The following PRKAG2 variants were observed in gnomAD, a reference collection of about 807,000 sequenced individuals.
The protein encoded by PRKAG2 is protein kinase AMP-activated non-catalytic subunit gamma 2.
Under a neutral mutation model 69.6 loss-of-function variants are expected in PRKAG2, and 26 were observed. That is an observed-to-expected ratio of 0.37 (90% CI 0.27 to 0.52). The LOEUF is 0.52. Ranked by LOEUF, PRKAG2 falls within the 20% of genes least tolerant of loss-of-function variation. PRKAG2 has a pLI of 0.90. For synonymous variants in PRKAG2, 293 were observed against 285.0 expected, an observed-to-expected ratio of 1.03 and a Z score of -0.28; for missense variants, 557 against 740.0, an observed-to-expected ratio of 0.75 and a Z score of 2.87.
intron 3 of PRKAG2, chr7:151,735,774 G>A (rs1287384365): frequency 7.7e-7 from 1 of 1,302,136 alleles, no homozygotes; most frequent in East Asian, 2.5e-5. Context: ...ACCACCGCCT[G>A]ATGTTATATC....
chr7:151,558,711 C>T (rs759671617), intron 15 of PRKAG2: 111 of 985,238 alleles, frequency 1.1e-4, no homozygotes, highest in Admixed American at 1.8e-4. Context: ...AACCCAGCTA[C>T]CCCCATCTTC....
At chr7:151,734,518 T>C (rs542646757) in intron 3 of PRKAG2, among the ~76,000 whole-genome samples, 3 of 152,266 alleles carry the variant, frequency 2.0e-5, no homozygotes, top group African/African-American at 4.8e-5. Flanking sequence ...GAATAACCTA[T>C]GCCATGCAAG....
chr7:151,701,042 C>T (rs780450928), intron 3 of PRKAG2, among the ~76,000 whole-genome samples: 1 of 152,230 alleles, frequency 6.6e-6, no homozygotes, highest in Non-Finnish European at 1.5e-5. Flanking sequence ...CAGCAGACGC[C>T]TGTCCTCTCC....
chr7:151,860,483 C>T (rs1468331356), intron 1 of PRKAG2, among the ~76,000 whole-genome samples: 3 of 152,086 alleles, frequency 2.0e-5, no homozygotes, highest in African/African-American at 2.4e-5. Flanking sequence ...CCCAAGGCCT[C>T]GCCTGTGGAA....
intron 3 of PRKAG2, among the ~76,000 whole-genome samples, chr7:151,680,700 G>T (rs1207784335): frequency 2.0e-5 from 3 of 152,178 alleles, no homozygotes; most frequent in African/African-American, 7.2e-5. Context: ...GAGCCAAGAG[G>T]CTGGCGAAGG....
chr7:151,658,361 C>T (rs3095358), intron 4 of PRKAG2, among the ~76,000 whole-genome samples: 91,850 of 149,340 alleles, frequency 0.62, 28,276 homozygotes, highest in African/African-American at 0.67. Flanking sequence ...GGCGCGTGCC[C>T]GTAATCCCAG....
intron 3 of PRKAG2, among the ~76,000 whole-genome samples, chr7:151,724,744 C>G (rs529852833): frequency 6.6e-6 from 1 of 152,320 alleles, no homozygotes; most frequent in South Asian, 2.1e-4. Flanking sequence ...ACAAGTGCGG[C>G]TCTCCGCGCC....
chr7:151,708,872 C>T (rs1356505438), intron 3 of PRKAG2, among the ~76,000 whole-genome samples: 1 of 152,204 alleles, frequency 6.6e-6, no homozygotes, highest in East Asian at 1.9e-4. Flanking sequence ...AGCACAGGTT[C>T]AGCTCGGGGC....
chr7:151,845,177 G>A (rs1252418178), intron 1 of PRKAG2, among the ~76,000 whole-genome samples: 12 of 151,904 alleles, frequency 7.9e-5, no homozygotes, highest in Non-Finnish European at 1.5e-5. Flanking sequence ...CGACAAAAAT[G>A]GCCCTCTTCA....
At chr7:151,742,673 A>G (rs919231371) in intron 3 of PRKAG2, among the ~76,000 whole-genome samples, 27 of 152,184 alleles carry the variant, frequency 1.8e-4, no homozygotes, top group Non-Finnish European at 3.5e-4. Flanking sequence ...TTTGCATTAA[A>G]GCCACCTCGC....
intron 3 of PRKAG2, among the ~76,000 whole-genome samples, chr7:151,721,948 C>G (rs1367368305): frequency 6.6e-6 from 1 of 152,152 alleles, no homozygotes; most frequent in East Asian, 1.9e-4. Flanking sequence ...TCAAGGCCAC[C>G]TCCTCCATGC....
chr7:151,740,656 T>C (rs913463547), intron 3 of PRKAG2, among the ~76,000 whole-genome samples: 2 of 152,164 alleles, frequency 1.3e-5, no homozygotes, highest in African/African-American at 2.4e-5. Context: ...GAGACAAAGA[T>C]AAACAATGCT....
At chr7:151,735,788 G>A in intron 3 of PRKAG2, 1 of 1,395,656 alleles carries the variant, frequency 7.2e-7, no homozygotes, top group Non-Finnish European at 9.7e-7. Flanking sequence ...TTATATCCCA[G>A]TTGGAAGAGA....
At chr7:151,651,962 G>T (rs147035740) in intron 4 of PRKAG2, among the ~76,000 whole-genome samples, 194 of 152,284 alleles carry the variant, frequency 1.3e-3, no homozygotes, top group African/African-American at 4.5e-3. Context: ...TTTCATGGGA[G>T]AAATAAGTTC....
chr7:151,854,276 C>T lies in PRKAG2; in HGVS notation c.114+22231G>A, dbSNP rs182591932. On this transcript the variant is annotated intron_variant, in intron 1 of 15. Transcript: ENST00000287878. Reference sequence around the variant, plus strand: ...TGCATCTCTATCTACATGCATGCCTCCCTTCCCCCCACACACATGCACACA... The same window carrying T: ...TGCATCTCTATCTACATGCATGCCTTCCTTCCCCCCACACACATGCACACA... Among the ~76,000 whole-genome samples the T allele has an allele frequency of 2.6e-5, 4 of 152,388 alleles. No homozygotes were observed. The East Asian group carries it at 7.7e-4, about 29-fold the overall frequency.
rs948324705 is a variant in PRKAG2, at chr7:151,662,837, T to C, written c.684+12583A>G. Among the ~76,000 whole-genome samples, 5 of 152,164 alleles carry C rather than the reference T, an allele frequency of 3.3e-5. No homozygotes were observed. In the South Asian group the frequency reaches 1.0e-3, roughly 32 times the overall value. On this transcript the variant is annotated intron_variant, in intron 4 of 15. Transcript: ENST00000287878. ...TAGCTTGAGCCCAGGAGTTTGAGGC[T>C]GCAGTGAGCTATGATCACACTCCAG...
intron 3 of PRKAG2, among the ~76,000 whole-genome samples, chr7:151,688,562 C>T (rs1835127752): frequency 6.6e-6 from 1 of 152,220 alleles, no homozygotes; most frequent in African/African-American, 2.4e-5. Flanking sequence ...TGCAACGTCC[C>T]TGCCCTGTGC....
chr7:151,576,638 T>A (rs1391220599), intron 6 of PRKAG2, among the ~76,000 whole-genome samples, 186 bp from the exon 7 acceptor site: 3 of 152,162 alleles, frequency 2.0e-5, no homozygotes, highest in African/African-American at 7.2e-5. Flanking sequence ...GTAGCTGGGA[T>A]GACAGGCATG....
At chr7:151,871,918 C>T (rs1007704779) in intron 1 of PRKAG2, among the ~76,000 whole-genome samples, 4 of 152,172 alleles carry the variant, frequency 2.6e-5, no homozygotes, top group African/African-American at 4.8e-5. Context: ...ACTAGGGGTC[C>T]GAGGAGGCCA....
Sources: allele counts gnomAD v4.1 joint callset (sites outside exome capture counted in the v4.1 genomes callset), GRCh38; gene constraint gnomAD v4.1.1; transcripts MANE v1.5; gene names NCBI Gene and HGNC (gene_info 2026-07-23, HGNC 2026-07-21).